AGTPBP1: variants seen among roughly 807,000 people sequenced by gnomAD.
The protein encoded by AGTPBP1 is cytosolic carboxypeptidase 1.
A neutral mutation model predicts 143.9 loss-of-function variants in AGTPBP1; 70 were observed. The ratio of observed to expected loss-of-function variants is 0.49; its 90% CI spans 0.40 to 0.59. The LOEUF (loss-of-function observed/expected upper bound fraction) is 0.59, where lower values mean the gene tolerates loss of function less well. Among genes scored for constraint, AGTPBP1 ranks in the 20% least tolerant of loss-of-function variants. The pLI, the probability that AGTPBP1 is intolerant of heterozygous loss-of-function variation, is 0.00. For synonymous variants in AGTPBP1, 463 were observed against 500.2 expected (o/e 0.93, Z 0.99); for missense variants, 1,229 against 1,464.5 (o/e 0.84, Z 2.62).
chr9:85,786,026 G>C, the AGTPBP1 span: 1 of 1,091,314 alleles, frequency 9.2e-7, no homozygotes, highest in Non-Finnish European at 1.3e-6. Context: ...ATGTATTTAT[G>C]TTAAGATGTT....
the AGTPBP1 span, among the ~76,000 whole-genome samples, chr9:85,749,272 G>A: frequency 1.3e-5 from 2 of 152,042 alleles, no homozygotes; most frequent in African/African-American, 4.8e-5. Flanking sequence ...TAGGATTACA[G>A]GCACAAGCCA....
chr9:85,678,241 A>G, intron 5 of AGTPBP1, 94 bp downstream of exon 5: 1 of 773,068 alleles, frequency 1.3e-6, no homozygotes, highest in Non-Finnish European at 2.1e-6. Flanking sequence ...AATAGCCTCT[A>G]TAAGAGTATC....
chr9:85,551,585 G>A (rs1702355538), intron 25 of AGTPBP1, among the ~76,000 whole-genome samples: 1 of 152,178 alleles, frequency 6.6e-6, no homozygotes, highest in Admixed American at 6.5e-5. Context: ...ATAAATGTTT[G>A]CTAAACTCTT....
the AGTPBP1 span, chr9:85,764,984 C>T: frequency 2.7e-6 from 2 of 730,556 alleles, no homozygotes; most frequent in South Asian, 2.9e-5. Context: ...GAGTGATTTC[C>T]TCAGTCTTTT....
chr9:85,767,367 G>A, the AGTPBP1 span, among the ~76,000 whole-genome samples: 3 of 90,774 alleles, frequency 3.3e-5, no homozygotes, highest in Non-Finnish European at 6.8e-5. Context: ...TTTTTTTTTT[G>A]AGACTGAGTC....
Position 85,741,867 on chromosome 9 carries a change from CG to C in AGTPBP1, c.-127del, listed in dbSNP as rs1274533794. 5.7e-6 allele frequency: 8 copies of C among 1,395,962 alleles called. No individual in the cohort carries two copies. Among genetic ancestry groups the C allele is most frequent in the Non-Finnish European group, 6.5e-6 (7 of 1,076,696 alleles). The allele number at this position is 1,395,962 out of a possible 1,614,324, so 86.5% of individuals were successfully genotyped here. A position where few individuals can be genotyped will look rare whatever the true frequency, so the allele number is the denominator to read the frequency against. On this transcript the variant is annotated 5_prime_UTR_variant, in exon 1 of 26. It introduces an in-frame stop codon into an upstream open reading frame of the 5' UTR. Transcript: ENST00000357081. ...GGCGGATCCCTCGCCGCCCGCCGCC[CG>C]GTGTTTTCATACAAACCCCGGTGGC...
intron 11 of AGTPBP1, among the ~76,000 whole-genome samples, chr9:85,652,684 A>C (rs971351517): frequency 1.3e-5 from 2 of 152,136 alleles, no homozygotes; most frequent in African/African-American, 4.8e-5. Context: ...TTTATAATAA[A>C]CCCATAACCA....
chr9:85,599,407 G>A (rs1474266893), intron 17 of AGTPBP1, among the ~76,000 whole-genome samples: 1 of 151,872 alleles, frequency 6.6e-6, no homozygotes, highest in Non-Finnish European at 1.5e-5. Flanking sequence ...ATTTTTATTG[G>A]TTTGGTGGCA....
chr9:85,712,817 C>T, intron 1 of AGTPBP1, among the ~76,000 whole-genome samples: 1 of 152,154 alleles, frequency 6.6e-6, no homozygotes, highest in African/African-American at 2.4e-5. Flanking sequence ...AGAAACCTAA[C>T]ATAATGTCAT....
Position 85,633,195 on chromosome 9 carries a change from A to G in AGTPBP1, c.1482T>C (p.Phe494=). The change falls in exon 14 of 26, where the codon TTT becomes TTC. Residue 494 remains phenylalanine (F), a synonymous_variant. Coordinates refer to ENST00000357081, the MANE Select transcript of AGTPBP1 (RefSeq NM_001330701.2). ...KGDEGEKKST[F]MDLAKEDIKD... The stretch of plus-strand genomic sequence containing the variant: ...TAATATCTTCTTTTGCTAGATCCAT[A>G]AAGGTAGACTTCTTTTCACCTTCAT... 6.2e-7 allele frequency: 1 copy of G among 1,613,488 alleles called. No homozygotes were observed. Among genetic ancestry groups the G allele is most frequent in the Non-Finnish European group, 8.5e-7 (1 of 1,179,868 alleles).
intron 23 of AGTPBP1, among the ~76,000 whole-genome samples, chr9:85,581,485 A>C (rs1351657417): frequency 6.6e-6 from 1 of 152,258 alleles, no homozygotes; most frequent in African/African-American, 2.4e-5. Context: ...CACAATACAA[A>C]TACGGTAACA....
intron 3 of AGTPBP1, among the ~76,000 whole-genome samples, chr9:85,688,081 ACT>A (rs1274886699): frequency 1.5e-5 from 2 of 135,842 alleles, no homozygotes; most frequent in Non-Finnish European, 3.1e-5. Context: ...CAAGAATGAA[ACT>A]CTGTCTCAAA....
intron 25 of AGTPBP1, among the ~76,000 whole-genome samples, chr9:85,560,368 C>G: frequency 6.6e-6 from 1 of 152,138 alleles, no homozygotes; most frequent in Non-Finnish European, 1.5e-5. Flanking sequence ...CTTCAAATTC[C>G]CTTCTTCAGC....
At chr9:85,688,036 G>T (rs1477540793) in intron 3 of AGTPBP1, among the ~76,000 whole-genome samples, 1 of 137,302 alleles carries the variant, frequency 7.3e-6, no homozygotes, top group Non-Finnish European at 1.5e-5. Flanking sequence ...GTTGCAGTGA[G>T]CCGAGATCAC....
chr9:85,570,106 C>A (rs1226329471), intron 25 of AGTPBP1, among the ~76,000 whole-genome samples: 1 of 152,070 alleles, frequency 6.6e-6, no homozygotes, highest in Non-Finnish European at 1.5e-5. Flanking sequence ...CATATGATAA[C>A]TGAGACAGCT....
chr9:85,685,042 C>A (rs1437670975), intron 3 of AGTPBP1, among the ~76,000 whole-genome samples: 2 of 150,756 alleles, frequency 1.3e-5, no homozygotes, highest in African/African-American at 4.9e-5. Context: ...AGGAAAGAGG[C>A]AGTGAAACTG....
chr9:85,561,682 T>C (rs1329522654), intron 25 of AGTPBP1, among the ~76,000 whole-genome samples: 3 of 152,218 alleles, frequency 2.0e-5, no homozygotes, highest in Middle Eastern at 3.4e-3. Flanking sequence ...TGAGAGCTAA[T>C]GACTGCATTA....
chr9:85,629,937 C>A (rs1831547947), intron 14 of AGTPBP1, among the ~76,000 whole-genome samples: 3 of 152,150 alleles, frequency 2.0e-5, no homozygotes, highest in Admixed American at 2.0e-4. Flanking sequence ...TAAAATTATG[C>A]CTCTTTTCTA....
At chr9:85,555,151 G>T (rs531135546) in intron 25 of AGTPBP1, among the ~76,000 whole-genome samples, 4 of 152,144 alleles carry the variant, frequency 2.6e-5, no homozygotes, top group Non-Finnish European at 5.9e-5. Context: ...AACAACAAAA[G>T]ACTCAAATCA....
Sources: allele counts gnomAD v4.1 joint callset (sites outside exome capture counted in the v4.1 genomes callset), GRCh38; gene constraint gnomAD v4.1.1; transcripts MANE v1.5; gene names NCBI Gene and HGNC (gene_info 2026-07-23, HGNC 2026-07-21).